Variants in ZBED6 observed in about 807,000 individuals in gnomAD.
The protein encoded by ZBED6 is zinc finger BED-type containing 6.
Under a neutral mutation model 58.4 loss-of-function variants are expected in ZBED6, and 40 were observed. That is an observed-to-expected ratio of 0.68 (90% CI 0.53 to 0.89). The LOEUF is 0.89. Among genes scored for constraint, ZBED6 ranks in the 40% least tolerant of loss-of-function variants. The probability of loss-of-function intolerance (pLI) is 0.00; values close to 1 mark genes in which losing one functional copy is unlikely to be tolerated. For missense variants in ZBED6, 1,057 were observed against 1,003.9 expected (o/e 1.05, Z -0.71); for synonymous variants, 439 against 350.6 (o/e 1.25, Z -2.82).
intron 13 of ZBED6, among the ~76,000 whole-genome samples, chr1:203,848,926 C>T (rs1007150755): frequency 6.6e-6 from 1 of 152,078 alleles, no homozygotes; most frequent in African/African-American, 2.4e-5. Context: ...GCTCTGTTGC[C>T]CAGGCTGGAG....
intron 3 of ZBED6, among the ~76,000 whole-genome samples, chr1:203,824,252 A>T (rs1220779047): frequency 6.7e-6 from 1 of 148,676 alleles, no homozygotes; most frequent in African/African-American, 2.5e-5. Context: ...TGGGCTACAC[A>T]GTAAGACTCC....
intron 11 of ZBED6, among the ~76,000 whole-genome samples, chr1:203,846,147 GAT>G (rs1224744125): frequency 8.1e-6 from 1 of 123,136 alleles, no homozygotes; most frequent in Non-Finnish European, 1.7e-5. Flanking sequence ...ATTTTGAAAA[GAT>G]ATAATTTTTT....
At chr1:203,823,087 CA>C (rs66639890) in intron 3 of ZBED6, among the ~76,000 whole-genome samples, 149,373 of 152,324 alleles carry the variant, frequency 0.98, 73,311 homozygotes, top group East Asian at 1. Context: ...CATGAAAAGT[CA>C]ATGTTGTAAC....
At chr1:203,814,055 C>T (rs1360963324) in intron 1 of ZBED6, among the ~76,000 whole-genome samples, 1 of 151,008 alleles carries the variant, frequency 6.6e-6, no homozygotes, top group Non-Finnish European at 1.5e-5. Context: ...CTTCATAGTT[C>T]TTGCCTCAAT....
Position 203,797,657 on chromosome 1 carries a change from A to C in ZBED6, c.135A>C (p.Glu45Asp). 6.5e-7 allele frequency: 1 copy of C among 1,536,110 alleles called. No individual in the cohort carries two copies. The highest frequency in any genetic ancestry group is 8.7e-7 in the Non-Finnish European group (1 of 1,146,918). Residue 45 changes from glutamate (E) to aspartate (D), a missense_variant, in exon 1 of 17, where the codon GAA becomes GAC. Transcript: ENST00000550078. The stretch of plus-strand genomic sequence containing the variant: ...CAGATGAAGAAGATGTGGTAGAGGA[A>C]AAGATGGTAGCAGAAGGAGTGAATA...
intron 1 of ZBED6, among the ~76,000 whole-genome samples, chr1:203,810,801 A>C (rs1265160169): frequency 6.6e-6 from 1 of 151,868 alleles, no homozygotes; most frequent in East Asian, 1.9e-4. Context: ...ATTTCTCCAC[A>C]CTCTGCCCAA....
intron 1 of ZBED6, among the ~76,000 whole-genome samples, chr1:203,811,660 T>C (rs1674526151): frequency 6.6e-6 from 1 of 152,124 alleles, no homozygotes; most frequent in Non-Finnish European, 1.5e-5. Context: ...AGTTGTGGGC[T>C]ACCACGCCTG....
At chr1:203,828,415 G>C (rs1558122198) in exon 4 of ZBED6, 3 of 1,610,644 alleles carry the variant, frequency 1.9e-6, no homozygotes, top group Non-Finnish European at 2.5e-6. Flanking sequence ...TCCTACCTCC[G>C]AGCAAAAGTG....
At chr1:203,827,849 A>T (rs1200943085) in intron 3 of ZBED6, among the ~76,000 whole-genome samples, 1 of 152,180 alleles carries the variant, frequency 6.6e-6, no homozygotes, top group Non-Finnish European at 1.5e-5. Flanking sequence ...CTATGTGCTT[A>T]GTGCTTTATA....
intron 3 of ZBED6, among the ~76,000 whole-genome samples, chr1:203,825,664 A>G (rs532220530): frequency 2.0e-5 from 3 of 152,038 alleles, no homozygotes; most frequent in Non-Finnish European, 4.4e-5. Flanking sequence ...ACCTCAGGTG[A>G]TCAACCCACC....
chr1:203,852,236 T>A, exon 17 of ZBED6: 1 of 1,613,690 alleles, frequency 6.2e-7, no homozygotes, highest in Non-Finnish European at 8.5e-7. Context: ...ACTCGCCGAC[T>A]CAGCTCTGCC....
chr1:203,805,898 C>G (rs1045930030), intron 1 of ZBED6: 23 of 707,222 alleles, frequency 3.3e-5, no homozygotes, highest in Non-Finnish European at 5.0e-5. Context: ...TCAATCTGGT[C>G]AGTTTTCACT....
intron 1 of ZBED6, among the ~76,000 whole-genome samples, chr1:203,804,613 G>C (rs1671625832): frequency 6.7e-6 from 1 of 149,850 alleles, no homozygotes; most frequent in East Asian, 1.9e-4. Flanking sequence ...TTAGTTGATA[G>C]ATTTTCTAGT....
rs919053218 is a variant in ZBED6 at position 203,828,242 on chromosome 1, A to C, written c.*2874-57A>C. The C allele has an allele frequency of 3.7e-6, 6 of 1,603,162 alleles. No homozygotes were observed. The African/African-American group carries it at 8.1e-5, about 22-fold the overall frequency. On this transcript the variant is annotated intron_variant, in intron 3 of 16. Transcript: ENST00000550078. Reference sequence around the variant, plus strand: ...AACTTTGTCTAGAAAACAAACTGCCACATGAATATACGTATCACTGTTTTA... The same window carrying C: ...AACTTTGTCTAGAAAACAAACTGCCCCATGAATATACGTATCACTGTTTTA...
At chr1:203,837,817 A>G in intron 9 of ZBED6, 149 bp from the exon 10 acceptor site, 3 of 723,206 alleles carry the variant, frequency 4.1e-6, no homozygotes, top group Non-Finnish European at 6.8e-6. Context: ...TGTTTCTAAC[A>G]TTGAACTCTA....
intron 8 of ZBED6, among the ~76,000 whole-genome samples, chr1:203,832,821 C>T (rs1013092516): frequency 3.3e-5 from 5 of 152,186 alleles, no homozygotes; most frequent in Admixed American, 2.6e-4. Context: ...CAGTTAACAT[C>T]GGAGTAGAGT....
At chr1:203,812,967 A>G (rs765085746) in intron 1 of ZBED6, among the ~76,000 whole-genome samples, 73 of 152,150 alleles carry the variant, frequency 4.8e-4, no homozygotes, top group Non-Finnish European at 9.0e-4. Flanking sequence ...TTCCATCTGT[A>G]TACCTTCTTT....
At chr1:203,798,181 C>A in exon 1 of ZBED6, 3 of 1,536,128 alleles carry the variant, frequency 2.0e-6, no homozygotes, top group Non-Finnish European at 2.6e-6. Context: ...TATATTCCTA[C>A]TGATCCATTA....
At chr1:203,798,186 C>A (rs754907357) in exon 1 of ZBED6, 1 of 1,536,060 alleles carries the variant, frequency 6.5e-7, no homozygotes, top group Admixed American at 2.0e-5. Context: ...TCCTACTGAT[C>A]CATTAGATGA....
Sources: allele counts gnomAD v4.1 joint callset (sites outside exome capture counted in the v4.1 genomes callset), GRCh38; gene constraint gnomAD v4.1.1; transcripts MANE v1.5; gene names NCBI Gene and HGNC (gene_info 2026-07-23, HGNC 2026-07-21).